The following PCLO variants were observed in gnomAD, a reference collection of about 807,000 sequenced individuals.
PCLO encodes the protein protein piccolo.
In PCLO, 82 loss-of-function variants were observed where a neutral mutation model predicts 427.5. The ratio of observed to expected loss-of-function variants is 0.19; its 90% CI spans 0.16 to 0.23. PCLO has a LOEUF of 0.23. Ranked by LOEUF, PCLO falls within the 10% of genes least tolerant of loss-of-function variation. PCLO has a pLI of 1.00. For synonymous variants in PCLO, 2,357 were observed against 2,155.4 expected (o/e 1.09, Z -2.59); for missense variants, 6,239 against 6,115.9 (o/e 1.02, Z -0.67).
chr7:83,089,359 A>T (rs5000164), intron 3 of PCLO, among the ~76,000 whole-genome samples: 89,551 of 151,840 alleles, frequency 0.59, 28,007 homozygotes, highest in African/African-American at 0.79. Context: ...GCAATTCTTC[A>T]CCAGTCTTTC....
chr7:82,971,504 A>C (rs1234575125), intron 3 of PCLO, among the ~76,000 whole-genome samples: 2 of 148,194 alleles, frequency 1.3e-5, no homozygotes, highest in African/African-American at 4.9e-5. Context: ...TATATATATA[A>C]TAAAATTTCA....
At chr7:82,773,432 G>A (rs1790685724) in intron 22 of PCLO, among the ~76,000 whole-genome samples, 1 of 152,108 alleles carries the variant, frequency 6.6e-6, no homozygotes, top group African/African-American at 2.4e-5. Flanking sequence ...GCAGTCAAAT[G>A]TTCCATTGGT....
chr7:82,952,671 T>C lies in PCLO; in HGVS notation c.8282A>G (p.Asn2761Ser). 1.9e-6 allele frequency: 3 copies of C among 1,613,938 alleles called. No homozygotes were observed. The highest frequency in any genetic ancestry group is 2.5e-6 in the Non-Finnish European group (3 of 1,179,844). ...ACTAATTTGTTTCCCATAAACTTCA[T>C]TTGCTGTGATCTGCCTTTTCACATC... ...TMDVKRQITANEVYGKQISAV... is the reference protein window; with the variant it reads ...TMDVKRQITASEVYGKQISAV... The change falls in exon 5 of 25, where the codon AAT (asparagine) becomes AGT (serine). Residue 2761 changes from asparagine (N) to serine (S), a missense_variant. Physicochemically the swap from Asn to Ser is conservative, Grantham distance 46 (BLOSUM62 1). Around this residue, in one of 5 missense-constraint regions of PCLO, gnomAD observed 4,677 missense variants for 4,468.4 expected, o/e 1.05. Transcript: ENST00000333891.
chr7:83,004,878 T>C (rs997367227), intron 3 of PCLO, among the ~76,000 whole-genome samples: 6 of 151,706 alleles, frequency 4.0e-5, no homozygotes, highest in Non-Finnish European at 4.4e-5. Context: ...TGGATAGTTT[T>C]TTTTATTATA....
chr7:83,023,125 C>CA (rs1788387114), intron 3 of PCLO, among the ~76,000 whole-genome samples: 2 of 151,888 alleles, frequency 1.3e-5, no homozygotes, highest in South Asian at 2.1e-4. Flanking sequence ...CAAAATTTGT[C>CA]AAAAAAAGTC....
intron 3 of PCLO, among the ~76,000 whole-genome samples, chr7:83,124,011 A>C (rs1791357702): frequency 6.7e-6 from 1 of 148,288 alleles, no homozygotes; most frequent in African/African-American, 2.5e-5. Context: ...ATCTCTCCAA[A>C]GAAAACATAC....
intron 10 of PCLO, among the ~76,000 whole-genome samples, chr7:82,860,303 TA>T (rs34692058): frequency 0.17 from 25,928 of 151,340 alleles, 2,582 homozygotes; most frequent in Middle Eastern, 0.22. Context: ...AGGTCAAGGA[TA>T]AAGCAGCAAG....
At chr7:82,794,154 T>C (rs1427806593) in intron 22 of PCLO, among the ~76,000 whole-genome samples, 1 of 152,130 alleles carries the variant, frequency 6.6e-6, no homozygotes, top group Non-Finnish European at 1.5e-5. Context: ...GGAGAAACCT[T>C]TAGCATCTTC....
chr7:82,821,666 TTTGA>T (rs1791795442), intron 20 of PCLO: 2 of 972,420 alleles, frequency 2.1e-6, no homozygotes, highest in Non-Finnish European at 2.4e-6. Context: ...ATTGTTATAC[TTTGA>T]TTGACTTATA....
At chr7:82,838,371 GT>G in intron 14 of PCLO, 29 bp from the exon 15 acceptor site, 1 of 1,312,394 alleles carries the variant, frequency 7.6e-7, no homozygotes, top group Non-Finnish European at 1.0e-6. Flanking sequence ...TATTCCATAA[GT>G]TTTTAAAAGC....
At chr7:83,112,359 T>C (rs1169565514) in intron 3 of PCLO, among the ~76,000 whole-genome samples, 3 of 152,104 alleles carry the variant, frequency 2.0e-5, no homozygotes, top group East Asian at 1.9e-4. Flanking sequence ...CCTGGCCTGA[T>C]TGTATTTTTT....
rs139624054 is a variant in PCLO, at chr7:82,804,285, TAAAAG to T, written c.14933+1398_14933+1402del. Among the ~76,000 whole-genome samples, 1,496 of 152,086 alleles carry T rather than the reference TAAAAG, an allele frequency of 9.8e-3. 26 individuals carry two copies. The highest frequency in any genetic ancestry group is 0.031 in the African/African-American group (1,298 of 41,500). On this transcript the variant is annotated intron_variant, in intron 21 of 24. Transcript: ENST00000333891. ...TATTGAATCCATAGACTAAATCTCATAAAAGAAAAGAAAGCTAAGATGGACAGGTG... is the reference window on the plus strand; with the variant it reads ...TATTGAATCCATAGACTAAATCTCATAAAAGAAAGCTAAGATGGACAGGTG...
chr7:82,774,155 C>T (rs1054363217), intron 22 of PCLO, among the ~76,000 whole-genome samples: 3 of 152,162 alleles, frequency 2.0e-5, no homozygotes, highest in Non-Finnish European at 4.4e-5. Flanking sequence ...TGTAGGAGCT[C>T]ATTTCATTAA....
At chr7:83,105,352 C>T (rs905799801) in intron 3 of PCLO, among the ~76,000 whole-genome samples, 5 of 152,242 alleles carry the variant, frequency 3.3e-5, no homozygotes, top group Non-Finnish European at 5.9e-5. Context: ...CTAATTGCTA[C>T]AGTAAGTCAA....
At chr7:83,042,101 T>C (rs1365163142) in intron 3 of PCLO, among the ~76,000 whole-genome samples, 1 of 152,124 alleles carries the variant, frequency 6.6e-6, no homozygotes, top group Non-Finnish European at 1.5e-5. Flanking sequence ...GTTTTGAAAA[T>C]GCATCACTTT....
intron 6 of PCLO, among the ~76,000 whole-genome samples, chr7:82,925,261 T>TC (rs1185511927): frequency 6.6e-6 from 1 of 152,134 alleles, no homozygotes; most frequent in African/African-American, 2.4e-5. Context: ...TATTTTTTTT[T>TC]CTCTCCAAAC....
intron 10 of PCLO, among the ~76,000 whole-genome samples, chr7:82,851,663 A>G (rs1792658836): frequency 6.6e-6 from 1 of 152,126 alleles, no homozygotes; most frequent in Non-Finnish European, 1.5e-5. Context: ...ATTATTTGTA[A>G]TTTGTTTGCT....
rs1444284556 is a variant in PCLO at position 82,916,427 on chromosome 7, A to C, written c.11559T>G (p.Ile3853Met). ...TTTGGGGAGCAGTTCTTGGTCGCTC[A>C]ATGCCATGCTGACTTTCTATTCGGG... Reference protein sequence around the residue: ...RPTRIESQHGIERPRTAPQTE... With the variant: ...RPTRIESQHGMERPRTAPQTE... Residue 3853 changes from isoleucine (I) to methionine (M), a missense_variant, in exon 7 of 25, where the codon ATT becomes ATG. Ile to Met is a conservative substitution (Grantham distance 10, BLOSUM62 1). This residue lies in a region of PCLO where 680 missense variants were observed against 677.3 expected (regional missense o/e 1.00). Coordinates refer to ENST00000333891, the MANE Select transcript of PCLO (RefSeq NM_033026.6). The C allele has an allele frequency of 6.2e-7, 1 of 1,613,674 alleles. No homozygotes were observed. Among genetic ancestry groups the C allele is most frequent in the Non-Finnish European group, 8.5e-7 (1 of 1,179,748 alleles).
chr7:82,961,278 A>AT (rs904091382), intron 4 of PCLO, among the ~76,000 whole-genome samples: 2 of 152,176 alleles, frequency 1.3e-5, no homozygotes, highest in Non-Finnish European at 1.5e-5. Context: ...TTCAGGTGGG[A>AT]TTTTTTCTGA....
Sources: gnomAD v4.1 joint callset for allele counts (sites outside exome capture counted in the v4.1 genomes callset) on GRCh38, gnomAD v4.1.1 for gene constraint, gnomAD v4.1.1 regional missense constraint, MANE v1.5 for transcripts, NCBI Gene and HGNC (gene_info 2026-07-23, HGNC 2026-07-21) for gene names.